NFIA: variants seen among roughly 807,000 people sequenced by gnomAD.
NFIA encodes nuclear factor I A.
Under a neutral mutation model 62.8 loss-of-function variants are expected in NFIA, and 8 were observed. The observed-to-expected ratio is 0.13, with a 90% confidence interval of 0.07 to 0.23. The LOEUF is 0.23. Among genes scored for constraint, NFIA ranks in the 10% least tolerant of loss-of-function variants. NFIA has a pLI of 1.00. For missense variants in NFIA, 410 were observed against 642.1 expected, an observed-to-expected ratio of 0.64 and a Z score of 3.91; for synonymous variants, 235 against 238.1, an observed-to-expected ratio of 0.99 and a Z score of 0.12.
intron 10 of NFIA, among the ~76,000 whole-genome samples, chr1:61,438,864 A>G (rs897567358): frequency 5.3e-5 from 8 of 152,246 alleles, no homozygotes; most frequent in Admixed American, 2.6e-4. Flanking sequence ...GGTGATCCTC[A>G]TTGAATTGCA....
intron 6 of NFIA, among the ~76,000 whole-genome samples, chr1:61,380,469 A>G (rs891446939): frequency 6.6e-6 from 1 of 152,216 alleles, no homozygotes; most frequent in Non-Finnish European, 1.5e-5. Context: ...TTTAAAAAGG[A>G]GTTTATTTTT....
intron 3 of NFIA, among the ~76,000 whole-genome samples, chr1:61,287,389 A>G (rs1017158326): frequency 6.6e-6 from 1 of 152,232 alleles, no homozygotes; most frequent in Non-Finnish European, 1.5e-5. Flanking sequence ...GTAAACAATT[A>G]TTTCTCAAAA....
At chr1:61,323,999 G>A (rs553747503) in intron 3 of NFIA, among the ~76,000 whole-genome samples, 7 of 152,278 alleles carry the variant, frequency 4.6e-5, no homozygotes, top group African/African-American at 1.7e-4. Flanking sequence ...AAGCAGAGAA[G>A]TTCTCCTTAA....
At chr1:61,077,898 A>AT (rs1317696376), upstream of NFIA, among the ~76,000 whole-genome samples, 18 of 135,760 alleles carry the variant, frequency 1.3e-4, no homozygotes, top group South Asian at 2.3e-4. Flanking sequence ...AGCTTGACAG[A>AT]TTTTTTTTTC....
chr1:61,330,452 C>T (rs766666825), intron 3 of NFIA, among the ~76,000 whole-genome samples: 1 of 119,852 alleles, frequency 8.3e-6, no homozygotes, highest in African/African-American at 2.9e-5. Flanking sequence ...CCCACACACA[C>T]ACACACACGC....
At chr1:61,082,340 C>A, upstream of NFIA, 1 of 292,552 alleles carries the variant, frequency 3.4e-6, no homozygotes, top group Non-Finnish European at 5.0e-6. Flanking sequence ...GCTGGCCGCG[C>A]GGCGCCGCAG....
intron 2 of NFIA, among the ~76,000 whole-genome samples, chr1:61,104,950 T>C (rs1024260816): frequency 1.3e-5 from 2 of 151,918 alleles, no homozygotes; most frequent in Non-Finnish European, 2.9e-5. Flanking sequence ...GAATGAAAAA[T>C]AGAATGGATT....
chr1:61,378,659 C>A (rs1255108734), intron 6 of NFIA, among the ~76,000 whole-genome samples: 1 of 152,184 alleles, frequency 6.6e-6, no homozygotes, highest in Non-Finnish European at 1.5e-5. Flanking sequence ...CTGGCCACGG[C>A]TGAACTAGAT....
chr1:61,347,570 G>A (rs1324145502), intron 4 of NFIA, among the ~76,000 whole-genome samples: 1 of 152,034 alleles, frequency 6.6e-6, no homozygotes, highest in Non-Finnish European at 1.5e-5. Context: ...AACTATCCTC[G>A]AAGGCTCAGC....
chr1:61,388,780 A>G (rs992500807), intron 7 of NFIA, among the ~76,000 whole-genome samples: 4 of 152,184 alleles, frequency 2.6e-5, no homozygotes, highest in African/African-American at 9.6e-5. Context: ...CTGACTGAAC[A>G]ATGGCTTAAG....
At chr1:61,374,013 G>A (rs997650298) in intron 6 of NFIA, among the ~76,000 whole-genome samples, 2 of 152,238 alleles carry the variant, frequency 1.3e-5, no homozygotes, top group African/African-American at 4.8e-5. Context: ...CCCTTGCAAT[G>A]TGGCTATGCT....
At chr1:61,339,663 A>T (rs1383547663) in intron 4 of NFIA, among the ~76,000 whole-genome samples, 1 of 152,112 alleles carries the variant, frequency 6.6e-6, no homozygotes, top group Non-Finnish European at 1.5e-5. Flanking sequence ...AATTTTCTTG[A>T]CATGTTTGGG....
intron 9 of NFIA, among the ~76,000 whole-genome samples, chr1:61,417,478 G>A (rs553350694): frequency 6.6e-6 from 1 of 151,408 alleles, no homozygotes; most frequent in African/African-American, 2.4e-5. Context: ...CATATCCTTA[G>A]ACATGTATTT....
intron 2 of NFIA, among the ~76,000 whole-genome samples, chr1:61,230,644 C>T (rs1466464809): frequency 6.6e-6 from 1 of 152,184 alleles, no homozygotes; most frequent in African/African-American, 2.4e-5. Flanking sequence ...GAAATAACAA[C>T]TATTGCTCCT....
chr1:61,235,313 A>G (rs1654926119), intron 2 of NFIA, among the ~76,000 whole-genome samples: 1 of 151,864 alleles, frequency 6.6e-6, no homozygotes, highest in African/African-American at 2.4e-5. Flanking sequence ...ATACAAAAAA[A>G]TTAGCCAGGT....
Position 61,088,538 on chromosome 1 carries a change from T to G in NFIA, c.417T>G (p.Gly139=). 6.2e-7 allele frequency: 1 copy of G among 1,614,094 alleles called. No individual in the cohort carries two copies. Among genetic ancestry groups the G allele is most frequent in the Non-Finnish European group, 8.5e-7 (1 of 1,180,018 alleles). ...TTGTTATGGTGATTTTGTTTAAAGG[T>G]ATTCCGCTGGAAAGTACTGATGGCG... ...LDLVMVILFK[G]IPLESTDGER... is the part of the protein sequence containing the mutation. Residue 139 remains glycine (G), a synonymous_variant, in exon 2 of 11, where the codon GGT becomes GGG. Coordinates refer to ENST00000403491, the MANE Select transcript of NFIA (RefSeq NM_001134673.4). The surrounding 1 kb of genome is among the most constrained non-coding windows in gnomAD (Gnocchi z 4.5).
At chr1:61,365,019 T>C (rs1663509472) in intron 6 of NFIA, among the ~76,000 whole-genome samples, 1 of 152,044 alleles carries the variant, frequency 6.6e-6, no homozygotes, top group African/African-American at 2.4e-5. Flanking sequence ...ACCCTGTCTC[T>C]ACAAAAAAAA....
intron 2 of NFIA, among the ~76,000 whole-genome samples, chr1:61,180,402 TG>T (rs964178054): frequency 2.6e-5 from 4 of 152,330 alleles, no homozygotes; most frequent in African/African-American, 9.6e-5. Context: ...TCTTCCTCTT[TG>T]GGTTTTGAAG....
At chr1:61,284,771 G>A (rs1008697552) in intron 3 of NFIA, among the ~76,000 whole-genome samples, 1 of 151,992 alleles carries the variant, frequency 6.6e-6, no homozygotes, top group Non-Finnish European at 1.5e-5. Flanking sequence ...GTCTGTTTCA[G>A]ACATCTTCCC....
Sources: allele counts gnomAD v4.1 joint callset (sites outside exome capture counted in the v4.1 genomes callset), GRCh38; gene constraint gnomAD v4.1.1; non-coding constraint Gnocchi (gnomAD v3.1); transcripts MANE v1.5; gene names NCBI Gene and HGNC (gene_info 2026-07-23, HGNC 2026-07-21).